The following NFAT5 variants were observed in gnomAD, a reference collection of about 807,000 sequenced individuals.
The protein encoded by NFAT5 is nuclear factor of activated T cells 5.
NFAT5 carries 31 observed loss-of-function variants against 166.5 expected under a neutral mutation model. That is an observed-to-expected ratio of 0.19 (90% CI 0.14 to 0.25). The LOEUF is 0.25. Ranked by LOEUF, NFAT5 falls within the 10% of genes least tolerant of loss-of-function variation. The probability of loss-of-function intolerance (pLI) is 1.00; values close to 1 mark genes in which losing one functional copy is unlikely to be tolerated. For synonymous variants in NFAT5, 612 were observed against 639.7 expected (o/e 0.96, Z 0.65); for missense variants, 1,449 against 1,821.8 (o/e 0.80, Z 3.72).
chr16:69,618,018 C>T (rs1300390861), intron 2 of NFAT5, among the ~76,000 whole-genome samples: 4 of 151,918 alleles, frequency 2.6e-5, no homozygotes, highest in Admixed American at 1.3e-4. Flanking sequence ...ATTAGCTGGG[C>T]GTGGTGGCGA....
At chr16:69,660,808 CTCT>C (rs1022917309) in intron 7 of NFAT5, among the ~76,000 whole-genome samples, 6 of 151,014 alleles carry the variant, frequency 4.0e-5, no homozygotes, top group South Asian at 4.2e-4. Flanking sequence ...GTCTCTCTCT[CTCT>C]TTTTTTTTTC....
At chr16:69,682,749 T>C (rs948739811) in intron 10 of NFAT5, among the ~76,000 whole-genome samples, 6 of 152,194 alleles carry the variant, frequency 3.9e-5, no homozygotes, top group African/African-American at 1.2e-4. Flanking sequence ...CATAAATATG[T>C]GTGTTTTTTT....
At chr16:69,667,764 T>C (rs1597506576) in intron 7 of NFAT5, among the ~76,000 whole-genome samples, 2 of 152,204 alleles carry the variant, frequency 1.3e-5, no homozygotes, top group East Asian at 1.9e-4. Context: ...TAACAAGATA[T>C]ACCATATGTT....
At chr16:69,610,167 T>G (rs187057073) in intron 2 of NFAT5, among the ~76,000 whole-genome samples, 7 of 152,286 alleles carry the variant, frequency 4.6e-5, no homozygotes, top group African/African-American at 1.7e-4. Context: ...GAAAAGTGAT[T>G]TTTGTTAATC....
intron 2 of NFAT5, among the ~76,000 whole-genome samples, chr16:69,619,179 A>C (rs2034090238): frequency 1.3e-5 from 2 of 152,188 alleles, no homozygotes; most frequent in South Asian, 4.1e-4. Flanking sequence ...TTGAACACCA[A>C]ATGCCAGCTC....
chr16:69,665,118 T>C (rs1204786990), intron 7 of NFAT5, among the ~76,000 whole-genome samples: 1 of 152,212 alleles, frequency 6.6e-6, no homozygotes, highest in Non-Finnish European at 1.5e-5. Flanking sequence ...ATGGCGTCTG[T>C]TGGGGACTCA....
intron 12 of NFAT5, 56 bp downstream of exon 12, chr16:69,691,144 T>C: frequency 7.3e-7 from 1 of 1,378,158 alleles, no homozygotes; most frequent in African/African-American, 1.5e-5. Context: ...TGTCTTTTAC[T>C]TTTCCTATTT....
chr16:69,633,615 A>C (rs1180591454), intron 3 of NFAT5, among the ~76,000 whole-genome samples: 1 of 152,204 alleles, frequency 6.6e-6, no homozygotes, highest in Non-Finnish European at 1.5e-5. Context: ...CATATGTGAA[A>C]GCTAAAAAAT....
chr16:69,669,086 A>G (rs945167272), intron 7 of NFAT5, among the ~76,000 whole-genome samples: 2 of 152,042 alleles, frequency 1.3e-5, no homozygotes, highest in Non-Finnish European at 2.9e-5. Context: ...TTGTAGAGAC[A>G]AGGTCTCACT....
In NFAT5 at chr16:69,655,739, A is replaced by C. The variant is rs1296810432; in HGVS notation, c.1136A>C (p.Asp379Ala). ...AATACAACTCCTTGCAAAGAAGTGG[A>C]CATTGAAGGCACTACTGTTATAGAA... ...GRNTTPCKEV[D>A]IEGTTVIEVG... The change falls in exon 6 of 15, where the codon GAC becomes GCC. Residue 379 changes from aspartate (D) to alanine (A), a missense_variant. Asp to Ala is a moderately radical substitution (Grantham distance 126, BLOSUM62 -2). Transcript: ENST00000349945. The C allele has an allele frequency of 6.8e-6, 11 of 1,613,902 alleles. No individual in the cohort carries two copies. The East Asian group carries it at 2.5e-4, about 36-fold the overall frequency.
intron 11 of NFAT5, among the ~76,000 whole-genome samples, chr16:69,688,202 C>CAAAAAAAAAAAAAAAAAAA (rs1188158260): frequency 1.0e-4 from 5 of 49,510 alleles, no homozygotes; most frequent in East Asian, 9.9e-4. Flanking sequence ...GACTCCGTCT[C>CAAAAAAAAAAAAAAAAAAA]AAAAAAAAAA....
chr16:69,628,186 A>G (rs8059804), intron 3 of NFAT5, among the ~76,000 whole-genome samples: 6,581 of 151,706 alleles, frequency 0.043, 480 homozygotes, highest in African/African-American at 0.15. Flanking sequence ...ATAAAAATAT[A>G]TTAAAAGTTC....
chr16:69,666,465 G>A (rs1450451185), intron 7 of NFAT5, among the ~76,000 whole-genome samples: 1 of 151,598 alleles, frequency 6.6e-6, no homozygotes, highest in African/African-American at 2.4e-5. Context: ...AACTCAAACA[G>A]ATTTACAAGA....
chr16:69,595,292 A>C (rs1409319870), intron 2 of NFAT5, among the ~76,000 whole-genome samples: 1 of 152,242 alleles, frequency 6.6e-6, no homozygotes, highest in African/African-American at 2.4e-5. Flanking sequence ...AAGATGATAC[A>C]GTGCCGATGT....
intron 4 of NFAT5, among the ~76,000 whole-genome samples, chr16:69,650,767 TCTG>T (rs1409984341): frequency 2.0e-5 from 3 of 152,198 alleles, no homozygotes; most frequent in Non-Finnish European, 4.4e-5. Flanking sequence ...ACTCAGTAAA[TCTG>T]CTATTATCAT....
At chr16:69,645,329 G>C (rs2035391696) in intron 3 of NFAT5, among the ~76,000 whole-genome samples, 1 of 152,130 alleles carries the variant, frequency 6.6e-6, no homozygotes, top group East Asian at 1.9e-4. Flanking sequence ...TACTGCATTT[G>C]AGAAGGATAC....
chr16:69,688,194 C>G, intron 11 of NFAT5, among the ~76,000 whole-genome samples: 1 of 85,096 alleles, frequency 1.2e-5, no homozygotes, highest in Non-Finnish European at 2.2e-5. Flanking sequence ...CAGAGCGAGA[C>G]TCCGTCTCAA....
At chr16:69,657,893 G>C (rs1205349583) in intron 6 of NFAT5, among the ~76,000 whole-genome samples, 1 of 151,170 alleles carries the variant, frequency 6.6e-6, no homozygotes, top group Non-Finnish European at 1.5e-5. Flanking sequence ...AGACCATCCT[G>C]GCTGTCATGG....
At chr16:69,638,972 A>G (rs938011706) in intron 3 of NFAT5, among the ~76,000 whole-genome samples, 6 of 152,040 alleles carry the variant, frequency 3.9e-5, no homozygotes, top group African/African-American at 9.7e-5. Flanking sequence ...TTTTTAGCCT[A>G]TACTTCCTGG....
Sources: allele counts gnomAD v4.1 joint callset (sites outside exome capture counted in the v4.1 genomes callset), GRCh38; gene constraint gnomAD v4.1.1; transcripts MANE v1.5; gene names NCBI Gene and HGNC (gene_info 2026-07-23, HGNC 2026-07-21).